Variants in ALMS1 observed in about 807,000 individuals in gnomAD.
The protein encoded by ALMS1 is ALMS1 centrosome and basal body associated protein.
ALMS1 carries 271 observed loss-of-function variants against 352.2 expected under a neutral mutation model. The observed-to-expected ratio is 0.77, with a 90% CI of 0.70 to 0.85. The LOEUF is 0.85. Ranked by LOEUF, ALMS1 falls within the 40% of genes least tolerant of loss-of-function variation. The pLI, the probability that ALMS1 is intolerant of heterozygous loss-of-function variation, is 0.00. For missense variants in ALMS1, 5,445 were observed against 4,870.7 expected (o/e 1.12, Z -3.51); for synonymous variants, 1,865 against 1,761.2 (o/e 1.06, Z -1.48).
At chr2:73,412,964 G>T (rs970487676) in intron 2 of ALMS1, among the ~76,000 whole-genome samples, 1 of 151,450 alleles carries the variant, frequency 6.6e-6, no homozygotes, top group African/African-American at 2.4e-5. Context: ...CTTGGCAGCT[G>T]TTGGTATCAT....
chr2:73,514,165 T>A (rs1322769569), intron 10 of ALMS1, among the ~76,000 whole-genome samples: 1 of 152,202 alleles, frequency 6.6e-6, no homozygotes, highest in Non-Finnish European at 1.5e-5. Flanking sequence ...TATTCATTTT[T>A]AATCTTGTCT....
At chr2:73,431,522 T>A (rs1671498690) in intron 6 of ALMS1, among the ~76,000 whole-genome samples, 1 of 152,220 alleles carries the variant, frequency 6.6e-6, no homozygotes, top group Admixed American at 6.5e-5. Flanking sequence ...GGTATTAATG[T>A]CACCAATATT....
In ALMS1 at chr2:73,601,456, A is replaced by G. The variant is rs1178865207; in HGVS notation, c.12114+20A>G. 6.2e-7 allele frequency: 1 copy of G among 1,613,114 alleles called. No individual in the cohort carries two copies. Among genetic ancestry groups the G allele is most frequent in the Admixed American group, 1.7e-5 (1 of 59,862 alleles). ...CTTCAGGTGCAGTGACGTTGACTTA[A>G]CTTTAATGCTACGTGTAGGGAGAAG... On this transcript the variant is annotated intron_variant, in intron 19 of 22. Coordinates refer to ENST00000613296, the MANE Select transcript of ALMS1 (RefSeq NM_001378454.1).
Position 73,453,221 on chromosome 2 carries a change from G to GT in ALMS1, c.6695dup (p.Ile2233AsnfsTer3). 1 of 1,614,004 alleles carries GT rather than the reference G, an allele frequency of 6.2e-7. No individual in the cohort carries two copies. The highest frequency in any genetic ancestry group is 8.5e-7 in the Non-Finnish European group (1 of 1,179,972). On this transcript the variant is annotated frameshift_variant, in exon 8 of 23. Transcript: ENST00000613296. LOFTEE classifies it high-confidence loss of function. The stretch of plus-strand genomic sequence containing the variant: ...AAATTCTCAGGCTGATGACAGAGTT[G>GT]TAATAAATAAACCAGAATCTGCAGG...
At chr2:73,480,465 C>T (rs1558662538) in intron 9 of ALMS1, among the ~76,000 whole-genome samples, 1 of 152,222 alleles carries the variant, frequency 6.6e-6, no homozygotes, top group Non-Finnish European at 1.5e-5. Context: ...TTTCTTAATC[C>T]AGTCTATAAT....
intron 9 of ALMS1, among the ~76,000 whole-genome samples, chr2:73,483,604 C>G (rs1294571210): frequency 6.6e-6 from 1 of 151,728 alleles, no homozygotes; most frequent in African/African-American, 2.4e-5. Context: ...TGGTGCAGAG[C>G]TGAGTTCAGT....
intron 1 of ALMS1, among the ~76,000 whole-genome samples, chr2:73,400,624 T>C (rs187023395): frequency 2.0e-5 from 3 of 152,318 alleles, no homozygotes; most frequent in East Asian, 3.9e-4. Flanking sequence ...CGAATAGATA[T>C]AGGCCTCTTC....
At chr2:73,575,488 C>T (rs923321358) in intron 16 of ALMS1, among the ~76,000 whole-genome samples, 2 of 152,100 alleles carry the variant, frequency 1.3e-5, no homozygotes, top group Non-Finnish European at 2.9e-5. Context: ...CACTTATTTT[C>T]CATTTTTTAA....
intron 1 of ALMS1, among the ~76,000 whole-genome samples, chr2:73,399,941 T>G (rs1670840079): frequency 6.7e-6 from 1 of 149,876 alleles, no homozygotes. Flanking sequence ...TAATTGTTTT[T>G]TTTTTTTTTT....
chr2:73,447,837 T>C (rs12104768), intron 7 of ALMS1, 123 bp from the exon 8 acceptor site: 69,460 of 1,266,034 alleles, frequency 0.055, 2,157 homozygotes, highest in African/African-American at 0.067. Context: ...TCTCCTTTGA[T>C]GGCTGTTTCC....
intron 3 of ALMS1, among the ~76,000 whole-genome samples, chr2:73,422,528 C>T (rs1341020433): frequency 6.6e-6 from 1 of 152,114 alleles, no homozygotes; most frequent in African/African-American, 2.4e-5. Flanking sequence ...TCAAATCTCA[C>T]TCTGGCATTT....
chr2:73,522,467 C>CT (rs137919148), intron 11 of ALMS1, among the ~76,000 whole-genome samples: 1,324 of 106,720 alleles, frequency 0.012, 67 homozygotes, highest in East Asian at 0.12. Flanking sequence ...GGTTGAGGTC[C>CT]TTTTTTTTTT....
intron 1 of ALMS1, among the ~76,000 whole-genome samples, chr2:73,399,455 G>A (rs1277213332): frequency 1.3e-5 from 2 of 151,900 alleles, no homozygotes; most frequent in African/African-American, 2.4e-5. Context: ...AGGTGAAGTG[G>A]GGGCAGGCGT....
intron 1 of ALMS1, among the ~76,000 whole-genome samples, chr2:73,399,556 C>T (rs1670830498): frequency 6.6e-6 from 1 of 151,624 alleles, no homozygotes; most frequent in Non-Finnish European, 1.5e-5. Flanking sequence ...AGTGAGCGCT[C>T]ACTTATCACT....
chr2:73,493,460 C>T (rs970719007), intron 10 of ALMS1, among the ~76,000 whole-genome samples: 1 of 151,772 alleles, frequency 6.6e-6, no homozygotes, highest in Non-Finnish European at 1.5e-5. Flanking sequence ...CGGTGGCTCA[C>T]ACCTGTAATC....
In ALMS1 at chr2:73,494,325, G is replaced by A. The variant is rs572931269; in HGVS notation, c.9539+2827G>A. On this transcript the variant is annotated intron_variant, in intron 10 of 22. Coordinates refer to ENST00000613296, the MANE Select transcript of ALMS1 (RefSeq NM_001378454.1). ...AATACCAGGAGGTAGATGTCATTGG[G>A]GGATATGTTAGAGGTTGTCCATGTA... Among the ~76,000 whole-genome samples the A allele has an allele frequency of 1.2e-4, 19 of 152,236 alleles. 1 individual carries two copies. In the South Asian group the frequency reaches 3.7e-3, roughly 30 times the overall value.
rs192863498 is a variant in ALMS1, at chr2:73,451,824, A to G, written c.5297A>G (p.Asn1766Ser). 9.5e-5 allele frequency: 154 copies of G among 1,613,186 alleles called. No individual in the cohort carries two copies. In the Admixed American group the frequency reaches 9.8e-4, roughly 10 times the overall value. Residue 1766 changes from asparagine to serine, a missense_variant, in exon 8 of 23, where the codon AAT becomes AGT. By Grantham distance (46) the Asn-to-Ser change is conservative. Coordinates refer to ENST00000613296, the MANE Select transcript of ALMS1 (RefSeq NM_001378454.1). ...TTCTATTCACATACAGAGAAGCCTA[A>G]TATTTCTTACCAGCAAGAGTTGCCA... is the stretch of plus-strand genomic sequence containing the variant. ...SSFYSHTEKP[N>S]ISYQQELPDS...
chr2:73,537,420 C>T (rs1055493205), intron 12 of ALMS1, among the ~76,000 whole-genome samples: 5 of 152,098 alleles, frequency 3.3e-5, no homozygotes, highest in African/African-American at 1.2e-4. Flanking sequence ...AAAGGGAAGG[C>T]TAAGGTAAAG....
At chr2:73,484,303 T>C (rs1021709535) in intron 9 of ALMS1, among the ~76,000 whole-genome samples, 17 of 151,720 alleles carry the variant, frequency 1.1e-4, no homozygotes, top group African/African-American at 3.6e-4. Context: ...TGCTTGTCTG[T>C]AAAGGATTTT....
Sources: gnomAD v4.1 joint callset for allele counts (sites outside exome capture counted in the v4.1 genomes callset) on GRCh38, gnomAD v4.1.1 for gene constraint, MANE v1.5 for transcripts, NCBI Gene and HGNC (gene_info 2026-07-23, HGNC 2026-07-21) for gene names.